The following GCNT3 variants were observed in gnomAD, a reference collection of about 807,000 sequenced individuals.
GCNT3 encodes the protein beta-1,3-galactosyl-O-glycosyl-glycoprotein beta-1,6-N-acetylglucosaminyltransferase 3.
For missense variants in GCNT3, 708 were observed against 530.3 expected, an observed-to-expected ratio of 1.34 and a Z score of -3.29; for synonymous variants, 269 against 195.2, an observed-to-expected ratio of 1.38 and a Z score of -3.15.
intron 1 of GCNT3, among the ~76,000 whole-genome samples, chr15:59,613,377 A>C (rs1411585678): frequency 1.3e-5 from 2 of 151,960 alleles, no homozygotes; most frequent in East Asian, 3.9e-4. Context: ...AATACTTAAC[A>C]CATAACCAAC....
chr15:59,612,765 C>T (rs951623858), intron 1 of GCNT3, among the ~76,000 whole-genome samples: 2 of 152,138 alleles, frequency 1.3e-5, no homozygotes, highest in Non-Finnish European at 2.9e-5. Context: ...CCCCGATCTT[C>T]CTGTGCCCTT....
chr15:59,618,152 A>G (rs2082728106), intron 2 of GCNT3, 27 bp from the exon 3 acceptor site: 4 of 712,772 alleles, frequency 5.6e-6, no homozygotes, highest in East Asian at 2.5e-5. Context: ...ATTGGTTTGT[A>G]ACTGGAGGCA....
chr15:59,617,191 T>TTTTTTTTTTTTTTTTTTTTA (rs1555392374), intron 2 of GCNT3, among the ~76,000 whole-genome samples: 1 of 145,760 alleles, frequency 6.9e-6, no homozygotes, highest in African/African-American at 2.5e-5. Context: ...TTTTTTTTTT[T>TTTTTTTTTTTTTTTTTTTTA]AAAGGGGCTT....
In GCNT3 at chr15:59,620,213, G is replaced by C. The variant is rs1483430241; in HGVS notation, c.*658G>C. On this transcript the variant is annotated 3_prime_UTR_variant, in exon 3 of 3. Transcript: ENST00000396065. ...GACAGAGTCTTGCTCTGTCACCCAG[G>C]CTGGACTGCAGTAGTGCAATCTCAG... is the stretch of plus-strand genomic sequence containing the variant. 1 of 165,000 alleles carries C rather than the reference G, an allele frequency of 6.1e-6. No homozygotes were observed. Among genetic ancestry groups the C allele is most frequent in the African/African-American group, 2.4e-5 (1 of 41,408 alleles). 10.2% of individuals were successfully genotyped at this position (165,000 alleles called of 1,614,324 possible).
At position 59,619,070 on chromosome 15, in the gene GCNT3, C is replaced by G. The variant is rs766372792; in HGVS notation, c.832C>G (p.Leu278Val). The G allele has an allele frequency of 6.2e-6, 10 of 1,614,048 alleles. No individual in the cohort carries two copies. Among genetic ancestry groups the G allele is most frequent in the Non-Finnish European group, 8.5e-6 (10 of 1,179,922 alleles). Reference protein sequence around the residue: ...HFEVVRDTLHLTNKKKDPPPY... With the variant: ...HFEVVRDTLHVTNKKKDPPPY... ...TGAGGTAGTGAGAGACACATTACAC[C>G]TAACCAACAAGAAGAAGGATCCTCC... Residue 278 changes from leucine (L) to valine (V), a missense_variant, in exon 3 of 3, where the codon CTA becomes GTA. Coordinates refer to ENST00000396065, the MANE Select transcript of GCNT3 (RefSeq NM_004751.3).
intron 1 of GCNT3, among the ~76,000 whole-genome samples, chr15:59,616,022 A>G (rs796276867): frequency 1.3e-5 from 2 of 152,336 alleles, no homozygotes; most frequent in South Asian, 4.1e-4. Context: ...AATCTATACC[A>G]TGGCCAAAAC....
At position 59,619,295 on chromosome 15, in the gene GCNT3, G is replaced by A. The variant is rs771713772; in HGVS notation, c.1057G>A (p.Asp353Asn). The A allele has an allele frequency of 3.7e-6, 6 of 1,614,102 alleles. No individual in the cohort carries two copies. In the South Asian group the frequency reaches 4.4e-5, roughly 12 times the overall value. ...PGSVPNHPKY[D>N]ISDMTSIARL... is the part of the protein sequence containing the mutation. ...CTCTGTTCCCAACCACCCCAAGTAC[G>A]ACATCTCAGACATGACTTCTATTGC... Residue 353 changes from aspartate (D) to asparagine (N), a missense_variant, in exon 3 of 3, where the codon GAC (aspartate) becomes AAC (asparagine). Asp to Asn is a conservative substitution (Grantham distance 23, BLOSUM62 1). Transcript: ENST00000396065.
chr15:59,613,347 T>G (rs2082704668), intron 1 of GCNT3, among the ~76,000 whole-genome samples: 1 of 151,972 alleles, frequency 6.6e-6, no homozygotes. Context: ...GAGCCACGAT[T>G]TCTTAATGTG....
rs1181450486 is a variant in GCNT3, at chr15:59,619,406, A to G, written c.1168A>G (p.Ile390Val). The part of the protein sequence containing the change: ...APCSGIHQRA[I>V]CVYGAGDLNW... ...CTGCTCTGGAATCCACCAGCGGGCT[A>G]TCTGCGTTTATGGGGCTGGGGACTT... Residue 390 changes from isoleucine to valine, a missense_variant, in exon 3 of 3, where the codon ATC (isoleucine) becomes GTC (valine). Coordinates refer to ENST00000396065, the MANE Select transcript of GCNT3 (RefSeq NM_004751.3). 8 of 1,614,008 alleles carry G rather than the reference A, an allele frequency of 5.0e-6. No homozygotes were observed. Among genetic ancestry groups the G allele is most frequent in the East Asian group, 2.2e-5 (1 of 44,884 alleles).
chr15:59,615,892 C>T (rs1365429608), intron 1 of GCNT3, among the ~76,000 whole-genome samples: 1 of 152,088 alleles, frequency 6.6e-6, no homozygotes, highest in Non-Finnish European at 1.5e-5. Context: ...TTTGTAAAAA[C>T]AACAAAAAAC....
rs747878682 is a variant in GCNT3 at position 59,618,891 on chromosome 15, T to C, written c.653T>C (p.Val218Ala). The change falls in exon 3 of 3, where the codon GTG becomes GCG. Residue 218 changes from valine to alanine, a missense_variant. Val to Ala is a moderately conservative substitution (Grantham distance 64). Coordinates refer to ENST00000396065, the MANE Select transcript of GCNT3 (RefSeq NM_004751.3). ...NCMEDLLQSS[V>A]PWKYFLNTCG... Reference sequence around the variant, plus strand: ...ATGGAAGACTTGCTCCAGAGCTCAGTGCCGTGGAAATACTTCCTGAATACA... The same window carrying C: ...ATGGAAGACTTGCTCCAGAGCTCAGCGCCGTGGAAATACTTCCTGAATACA... 9.9e-6 allele frequency: 16 copies of C among 1,614,148 alleles called. No individual in the cohort carries two copies. Among genetic ancestry groups the C allele is most frequent in the Non-Finnish European group, 1.4e-5 (16 of 1,180,026 alleles).
At chr15:59,613,808 G>A (rs1418448255) in intron 1 of GCNT3, among the ~76,000 whole-genome samples, 1 of 151,952 alleles carries the variant, frequency 6.6e-6, no homozygotes, top group Non-Finnish European at 1.5e-5. Flanking sequence ...AGGAGCTTGA[G>A]ACCAGCCTGG....
In GCNT3 at chr15:59,619,320, C is replaced by T; in HGVS notation, c.1082C>T (p.Ala361Val). ...KYDISDMTSIARLVKWQGHEG... is the reference protein window; with the variant it reads ...KYDISDMTSIVRLVKWQGHEG... Reference sequence around the variant, plus strand: ...GACATCTCAGACATGACTTCTATTGCCAGGCTGGTCAAGTGGCAGGGTCAT... The same window carrying T: ...GACATCTCAGACATGACTTCTATTGTCAGGCTGGTCAAGTGGCAGGGTCAT... The change falls in exon 3 of 3, where the codon GCC becomes GTC. Residue 361 changes from alanine (A) to valine (V), a missense_variant. By Grantham distance (64) the Ala-to-Val change is moderately conservative (BLOSUM62 0). Coordinates refer to ENST00000396065, the MANE Select transcript of GCNT3 (RefSeq NM_004751.3). The T allele has an allele frequency of 1.2e-6, 2 of 1,614,082 alleles. No homozygotes were observed. Among genetic ancestry groups the T allele is most frequent in the Non-Finnish European group, 1.7e-6 (2 of 1,180,006 alleles).
chr15:59,618,753 T>G lies in GCNT3; in HGVS notation c.515T>G (p.Phe172Cys). 6.2e-7 allele frequency: 1 copy of G among 1,614,166 alleles called. No individual in the cohort carries two copies. Among genetic ancestry groups the G allele is most frequent in the Non-Finnish European group, 8.5e-7 (1 of 1,180,016 alleles). The change falls in exon 3 of 3, where the codon TTC becomes TGC. Residue 172 changes from phenylalanine (F) to cysteine (C), a missense_variant. Transcript: ENST00000396065. ...VHVDEKSPET[F>C]KEAVKAIISC... ...GTGGATGAGAAGTCCCCAGAAACTTTCAAAGAGGCGGTCAAAGCAATTATT... is the reference window on the plus strand; with the variant it reads ...GTGGATGAGAAGTCCCCAGAAACTTGCAAAGAGGCGGTCAAAGCAATTATT...
chr15:59,619,216 T>G lies in GCNT3; in HGVS notation c.978T>G (p.Tyr326Ter), dbSNP rs140717260. 1 of 1,614,114 alleles carries G rather than the reference T, an allele frequency of 6.2e-7. No individual in the cohort carries two copies. The highest frequency in any genetic ancestry group is 1.1e-5 in the South Asian group (1 of 91,070). Residue 326 changes from tyrosine (Y) to a stop codon, truncating the protein, a stop_gained, in exon 3 of 3, where the codon TAT (tyrosine) becomes TAG (stop). Transcript: ENST00000396065. LOFTEE classifies it low-confidence loss of function (END_TRUNC). ...TGATTGAATGGGTAAAAGACACTTA[T>G]AGCCCAGATGAACACCTCTGGGCCA... ...QQLIEWVKDT[Y>*]SPDEHLWATL...
In GCNT3 at chr15:59,616,724, A is replaced by G. The variant is rs1479472568; in HGVS notation, c.-218A>G. The G allele has an allele frequency of 6.6e-6, 1 of 152,180 alleles. No individual in the cohort carries two copies. The highest frequency in any genetic ancestry group is 2.4e-5 in the African/African-American group (1 of 41,418). 9.4% of individuals were successfully genotyped at this position (152,180 alleles called of 1,614,324 possible). On this transcript the variant is annotated 5_prime_UTR_variant, in exon 2 of 3. Coordinates refer to ENST00000396065, the MANE Select transcript of GCNT3 (RefSeq NM_004751.3). ...AGAGGAGCCTGAAACTGTTCCTTGG[A>G]CATCTTATGAATGTCAGAAAATACC...
Position 59,619,254 on chromosome 15 carries a change from C to T in GCNT3, c.1016C>T (p.Ala339Val), listed in dbSNP as rs949060567. The change falls in exon 3 of 3, where the codon GCA (alanine) becomes GTA (valine). Residue 339 changes from alanine (A) to valine (V), a missense_variant. Coordinates refer to ENST00000396065, the MANE Select transcript of GCNT3 (RefSeq NM_004751.3). ...DEHLWATLQR[A>V]RWMPGSVPNH... ...CACCTCTGGGCCACCCTTCAGCGTGCACGGTGGATGCCTGGCTCTGTTCCC... is the reference window on the plus strand; with the variant it reads ...CACCTCTGGGCCACCCTTCAGCGTGTACGGTGGATGCCTGGCTCTGTTCCC... 2 of 1,614,122 alleles carry T rather than the reference C, an allele frequency of 1.2e-6. No homozygotes were observed. The highest frequency in any genetic ancestry group is 1.7e-6 in the Non-Finnish European group (2 of 1,180,014).
chr15:59,613,534 C>CAATAAATAAATAAATA (rs199605633), intron 1 of GCNT3, among the ~76,000 whole-genome samples: 38 of 135,492 alleles, frequency 2.8e-4, no homozygotes, highest in African/African-American at 1.0e-3. Flanking sequence ...TCCATCTCTA[C>CAATAAATAAATAAATA]AATAAATAAA....
rs753003711 is a variant in GCNT3, at chr15:59,618,521, C to T, written c.283C>T (p.Arg95Ter). The T allele has an allele frequency of 7.4e-6, 12 of 1,614,004 alleles. No individual in the cohort carries two copies. The highest frequency in any genetic ancestry group is 6.7e-5 in the Admixed American group (4 of 59,990). Residue 95 changes from arginine to a stop codon, truncating the protein, a stop_gained, in exon 3 of 3, where the codon CGA becomes TGA. Transcript: ENST00000396065. LOFTEE classifies it low-confidence loss of function (END_TRUNC). ...ILNNLEVKKK[R>*]EPFTDTHYLS... ...GAATAACCTGGAGGTCAAGAAGAAG[C>T]GAGAGCCTTTCACAGACACCCACTA... is the stretch of plus-strand genomic sequence containing the variant.
Sources: gnomAD v4.1 joint callset for allele counts (sites outside exome capture counted in the v4.1 genomes callset) on GRCh38, gnomAD v4.1.1 for gene constraint, MANE v1.5 for transcripts, NCBI Gene and HGNC (gene_info 2026-07-23, HGNC 2026-07-21) for gene names.